Variants in NPY1R observed in about 807,000 individuals in gnomAD.
NPY1R encodes neuropeptide Y receptor Y1, also known as neuropeptide Y receptor type 1.
NPY1R carries 10 observed loss-of-function variants against 24.1 expected under a neutral mutation model. That is an observed-to-expected ratio of 0.42 (90% CI 0.26 to 0.71). The LOEUF (loss-of-function observed/expected upper bound fraction) is 0.71, where lower values mean the gene tolerates loss of function less well. Ranked by LOEUF, NPY1R falls within the 30% of genes least tolerant of loss-of-function variation. The pLI is 0.28. For synonymous variants in NPY1R, 168 were observed against 165.9 expected (o/e 1.01, Z -0.10); for missense variants, 350 against 458.0 (o/e 0.76, Z 2.15).
rs1377958802 is a variant in NPY1R at position 163,325,980 on chromosome 4, T to C, written c.575A>G (p.Tyr192Cys). ...ATCAAAGCACACGTATTTGTCTTTG[T>C]ACGCATCAAGTGTTACATTTTGGAA... ...EPFQNVTLDA[Y>C]KDKYVCFDQF... The change falls in exon 2 of 3, where the codon TAC becomes TGC. Residue 192 changes from tyrosine to cysteine, a missense_variant. Tyr to Cys is a radical substitution (Grantham distance 194). Transcript: ENST00000296533. 4 of 1,614,084 alleles carry C rather than the reference T, an allele frequency of 2.5e-6. No individual in the cohort carries two copies. Among genetic ancestry groups the C allele is most frequent in the Non-Finnish European group, 3.4e-6 (4 of 1,179,962 alleles).
At chr4:163,332,813 G>A (rs1306170994), upstream of NPY1R, 2 of 152,396 alleles carry the variant, frequency 1.3e-5, no homozygotes, top group East Asian at 3.9e-4. Context: ...GCAGGGGAAA[G>A]GAAGCCCTAA....
chr4:163,343,509 C>T (rs1298908231), intron 1 of NPY1R, among the ~76,000 whole-genome samples: 1 of 151,826 alleles, frequency 6.6e-6, no homozygotes, highest in Non-Finnish European at 1.5e-5. Context: ...GTCCCCCACC[C>T]CAAACAAAGA....
rs568048810 is a variant in NPY1R at position 163,324,391 on chromosome 4, A to G, written c.*912T>C. 6.5e-6 allele frequency: 1 copy of G among 152,672 alleles called. No homozygotes were observed. Among genetic ancestry groups the G allele is most frequent in the South Asian group, 2.1e-4 (1 of 4,830 alleles). 9.5% of individuals were successfully genotyped at this position (152,672 alleles called of 1,614,324 possible). A position where few individuals can be genotyped will look rare whatever the true frequency, so the allele number is the denominator to read the frequency against. On this transcript the variant is annotated 3_prime_UTR_variant, in exon 3 of 3. Coordinates refer to ENST00000296533, the MANE Select transcript of NPY1R (RefSeq NM_000909.6). Reference sequence around the variant, plus strand: ...TGGAAAACGCATTTTGTGTTTCTACAAATTGTAAGCGGAAATGCCTTTTGA... The same window carrying G: ...TGGAAAACGCATTTTGTGTTTCTACGAATTGTAAGCGGAAATGCCTTTTGA...
At chr4:163,340,757 T>C (rs555540027) in intron 1 of NPY1R, among the ~76,000 whole-genome samples, 1 of 152,232 alleles carries the variant, frequency 6.6e-6, no homozygotes, top group South Asian at 2.1e-4. Context: ...TCAGGTGTTC[T>C]GATAAGTGTC....
At position 163,325,412 on chromosome 4, in the gene NPY1R, G is replaced by T; in HGVS notation, c.1046C>A (p.Thr349Lys). 6.2e-7 allele frequency: 1 copy of T among 1,614,044 alleles called. No homozygotes were observed. Among genetic ancestry groups the T allele is most frequent in the Non-Finnish European group, 8.5e-7 (1 of 1,179,952 alleles). Residue 349 changes from threonine to lysine, a missense_variant, in exon 3 of 3, where the codon ACA becomes AAA. By Grantham distance (78) the Thr-to-Lys change is moderately conservative. Transcript: ENST00000296533. ...TGTGTGCATCGTGGACATGGCTATT[G>T]TTTCATAATCATCATCCCGAGACCG... ...DFRSRDDDYE[T>K]IAMSTMHTDV...
intron 1 of NPY1R, among the ~76,000 whole-genome samples, chr4:163,326,944 A>G (rs1734622600): frequency 6.6e-6 from 1 of 152,340 alleles, no homozygotes; most frequent in East Asian, 1.9e-4. Flanking sequence ...TCTATAAGTT[A>G]GTAAGGAATA....
At chr4:163,339,901 A>G (rs1229984988) in intron 1 of NPY1R, among the ~76,000 whole-genome samples, 1 of 152,114 alleles carries the variant, frequency 6.6e-6, no homozygotes, top group Non-Finnish European at 1.5e-5. Flanking sequence ...TACCTGTTCA[A>G]TAACATATTT....
At chr4:163,344,574 C>G (rs558702831) in exon 1 of NPY1R, 4 of 152,252 alleles carry the variant, frequency 2.6e-5, no homozygotes, top group Non-Finnish European at 5.9e-5. Context: ...AGCGCTGACC[C>G]GAGCCCGGGA....
intron 1 of NPY1R, among the ~76,000 whole-genome samples, chr4:163,327,495 G>A (rs1023144037): frequency 6.6e-6 from 1 of 152,142 alleles, no homozygotes; most frequent in Non-Finnish European, 1.5e-5. Flanking sequence ...TTATTTGCCT[G>A]CAAATCTAGC....
upstream of NPY1R, among the ~76,000 whole-genome samples, chr4:163,336,657 T>C (rs1734845662): frequency 6.6e-6 from 1 of 152,168 alleles, no homozygotes; most frequent in Admixed American, 6.5e-5. Flanking sequence ...GAAGGTATAA[T>C]TTTTTCTAAA....
At chr4:163,336,210 T>C (rs1734836406), upstream of NPY1R, among the ~76,000 whole-genome samples, 1 of 152,204 alleles carries the variant, frequency 6.6e-6, no homozygotes, top group Admixed American at 6.5e-5. Context: ...TCTGTCACAA[T>C]AAGGCTCTAG....
rs778596539 is a variant in NPY1R, at chr4:163,325,990, G to A, written c.565C>T (p.Leu189Phe). The A allele has an allele frequency of 1.2e-6, 2 of 1,614,064 alleles. No individual in the cohort carries two copies. Among genetic ancestry groups the A allele is most frequent in the South Asian group, 2.2e-5 (2 of 91,062 alleles). The change falls in exon 2 of 3, where the codon CTT becomes TTT. Residue 189 changes from leucine (L) to phenylalanine (F), a missense_variant. Physicochemically the swap from Leu to Phe is conservative, Grantham distance 22. Coordinates refer to ENST00000296533, the MANE Select transcript of NPY1R (RefSeq NM_000909.6). Reference sequence around the variant, plus strand: ...ACGTATTTGTCTTTGTACGCATCAAGTGTTACATTTTGGAACGGCTCATCA... The same window carrying A: ...ACGTATTTGTCTTTGTACGCATCAAATGTTACATTTTGGAACGGCTCATCA... The part of the protein sequence containing the change: ...MTDEPFQNVT[L>F]DAYKDKYVCF...
chr4:163,332,687 C>G (rs1347522287), upstream of NPY1R: 5 of 152,398 alleles, frequency 3.3e-5, no homozygotes, highest in African/African-American at 1.2e-4. Context: ...CCTGAAGCTC[C>G]CCCAACCCCA....
upstream of NPY1R, among the ~76,000 whole-genome samples, chr4:163,335,383 C>G (rs1040902096): frequency 3.3e-5 from 5 of 152,144 alleles, no homozygotes; most frequent in Non-Finnish European, 5.9e-5. Flanking sequence ...AACAATGGAA[C>G]AAACTTATGG....
upstream of NPY1R, among the ~76,000 whole-genome samples, chr4:163,336,764 C>T (rs1406498051): frequency 1.3e-5 from 2 of 152,256 alleles, no homozygotes; most frequent in African/African-American, 2.4e-5. Context: ...AGTTCGAGAC[C>T]AGCCTGGCCA....
chr4:163,333,192 T>G (rs190633383), upstream of NPY1R, among the ~76,000 whole-genome samples: 1 of 152,026 alleles, frequency 6.6e-6, no homozygotes, highest in Non-Finnish European at 1.5e-5. Flanking sequence ...TAAGTCAGAT[T>G]TGTTCCCAGC....
rs779251030 is a variant in NPY1R at position 163,326,398 on chromosome 4, G to A, written c.157C>T (p.Leu53Phe). Residue 53 changes from leucine (L) to phenylalanine (F), a missense_variant, in exon 2 of 3, where the codon CTT becomes TTT. Transcript: ENST00000296533. ...AAGGCCAGGTTTCCAGAGACACCAA[G>A]AATGATCACAGCTCCATAAGCAAGA... ...LALAYGAVII[L>F]GVSGNLALII... The A allele has an allele frequency of 9.3e-6, 15 of 1,614,098 alleles. No homozygotes were observed. Among genetic ancestry groups the A allele is most frequent in the Non-Finnish European group, 1.3e-5 (15 of 1,179,956 alleles).
intron 1 of NPY1R, among the ~76,000 whole-genome samples, chr4:163,341,560 T>C (rs1311701800): frequency 6.6e-6 from 1 of 152,194 alleles, no homozygotes; most frequent in Non-Finnish European, 1.5e-5. Flanking sequence ...GTGACTGTTT[T>C]ATCGTTCAAT....
chr4:163,326,223 G>A lies in NPY1R; in HGVS notation c.332C>T (p.Ala111Val), dbSNP rs78156188. Residue 111 changes from alanine (A) to valine (V), a missense_variant, in exon 2 of 3, where the codon GCG (alanine) becomes GTG (valine). Physicochemically the swap from Ala to Val is moderately conservative, Grantham distance 64 (BLOSUM62 0). Transcript: ENST00000296533. ...CACAAAAGGATTCAACTTACACATC[G>A]CCTCACCAAAGACCCAGTGGTCCAT... is the stretch of plus-strand genomic sequence containing the variant. ...TLMDHWVFGEAMCKLNPFVQC... is the reference protein window; with the variant it reads ...TLMDHWVFGEVMCKLNPFVQC... 1.3e-3 allele frequency: 2,026 copies of A among 1,614,068 alleles called. 4 individuals carry two copies. Among genetic ancestry groups the A allele is most frequent in the Non-Finnish European group, 1.6e-3 (1,842 of 1,179,936 alleles).
Sources: allele counts gnomAD v4.1 joint callset (sites outside exome capture counted in the v4.1 genomes callset), GRCh38; gene constraint gnomAD v4.1.1; transcripts MANE v1.5; gene names NCBI Gene and HGNC (gene_info 2026-07-23, HGNC 2026-07-21).